WDR26: variants seen among roughly 807,000 people sequenced by gnomAD.
WDR26 encodes WD repeat domain 26.
A neutral mutation model predicts 84.1 loss-of-function variants in WDR26; 5 were observed. The observed-to-expected ratio is 0.06, with a 90% CI of 0.03 to 0.13. The LOEUF (loss-of-function observed/expected upper bound fraction) is 0.13. Ranked by LOEUF, WDR26 falls within the 10% of genes least tolerant of loss-of-function variation. WDR26 has a pLI of 1.00. For missense variants in WDR26, 642 were observed against 974.9 expected (o/e 0.66, Z 4.55); for synonymous variants, 415 against 389.6 (o/e 1.07, Z -0.77).
intron 1 of WDR26, 52 bp downstream of exon 1, chr1:224,433,632 A>C (rs201638957): frequency 1.9e-6 from 2 of 1,075,380 alleles, no homozygotes; most frequent in Non-Finnish European, 1.2e-6. Flanking sequence ...ACCCCCCTGG[A>C]GCCTCCGTCC....
intron 8 of WDR26, among the ~76,000 whole-genome samples, chr1:224,402,347 G>A (rs1055276020): frequency 1.3e-5 from 2 of 152,180 alleles, no homozygotes; most frequent in Non-Finnish European, 2.9e-5. Flanking sequence ...AAATACACAA[G>A]CAATAGCTAA....
chr1:224,401,708 A>AGAAAAAAAAAG (rs1553354188), intron 8 of WDR26, among the ~76,000 whole-genome samples: 1 of 145,152 alleles, frequency 6.9e-6, no homozygotes, highest in Non-Finnish European at 1.5e-5. Flanking sequence ...AAAAGAAAAA[A>AGAAAAAAAAAG]GAAAAAAAAA....
intron 12 of WDR26, among the ~76,000 whole-genome samples, chr1:224,396,487 C>G (rs778748290): frequency 2.6e-5 from 4 of 152,124 alleles, no homozygotes; most frequent in Non-Finnish European, 5.9e-5. Context: ...TGTCTATTAT[C>G]TCCCGCGATA....
chr1:224,404,678 G>A (rs1013193351), intron 7 of WDR26, 108 bp from the exon 8 acceptor site: 1 of 1,371,474 alleles, frequency 7.3e-7, no homozygotes, highest in East Asian at 2.4e-5. Flanking sequence ...TTTAATCTGA[G>A]GAAATTTTCA....
intron 12 of WDR26, 81 bp downstream of exon 12, chr1:224,398,016 T>C: frequency 6.5e-7 from 1 of 1,536,530 alleles, no homozygotes; most frequent in Non-Finnish European, 8.7e-7. Flanking sequence ...CTGAATTTTC[T>C]TGGAGACATG....
At chr1:224,411,984 G>GGAGT (rs1053340138) in intron 6 of WDR26, among the ~76,000 whole-genome samples, 36 of 152,026 alleles carry the variant, frequency 2.4e-4, no homozygotes, top group African/African-American at 8.4e-4. Flanking sequence ...CCTGGGTGAT[G>GGAGT]GAGTGAGATC....
At chr1:224,402,459 G>A (rs746240418) in intron 8 of WDR26, among the ~76,000 whole-genome samples, 5 of 152,134 alleles carry the variant, frequency 3.3e-5, no homozygotes, top group Non-Finnish European at 5.9e-5. Flanking sequence ...AGTACATGAG[G>A]TTATTAGATT....
intron 3 of WDR26, among the ~76,000 whole-genome samples, chr1:224,428,079 ATC>A (rs1289947113): frequency 6.6e-6 from 1 of 152,190 alleles, no homozygotes; most frequent in African/African-American, 2.4e-5. Flanking sequence ...GCCCAGCAAG[ATC>A]TCCTTCTCCA....
intron 6 of WDR26, 106 bp downstream of exon 6, chr1:224,418,154 A>C (rs998191079): frequency 9.0e-6 from 8 of 893,726 alleles, no homozygotes; most frequent in African/African-American, 6.9e-5. Context: ...CAAATGCTAA[A>C]TCAGACATGA....
In WDR26 at chr1:224,434,579, C is replaced by A. The variant is rs973949598; in HGVS notation, c.-174G>T. On this transcript the variant is annotated 5_prime_UTR_variant, in exon 1 of 14. Coordinates refer to ENST00000414423, the MANE Select transcript of WDR26 (RefSeq NM_001379403.1). ...GGAGGATCCGGGCCCTTTCCCCCCC[C>A]CCTCCCGGAGGCAGCTCGGGGTGCG... 61 of 477,288 alleles carry A rather than the reference C, an allele frequency of 1.3e-4. No individual in the cohort carries two copies. Among genetic ancestry groups the A allele is most frequent in the East Asian group, 4.7e-4 (3 of 6,358 alleles). 29.6% of individuals were successfully genotyped at this position (477,288 alleles called of 1,614,324 possible). A position where few individuals can be genotyped will look rare whatever the true frequency, so the allele number is the denominator to read the frequency against.
chr1:224,397,312 T>C (rs554488179), intron 12 of WDR26, among the ~76,000 whole-genome samples: 72 of 152,276 alleles, frequency 4.7e-4, no homozygotes, highest in African/African-American at 1.7e-3. Context: ...CTTAAATAAT[T>C]TGCTTTTATA....
At position 224,385,533 on chromosome 1, in the gene WDR26, A is replaced by G. The variant is rs923086527; in HGVS notation, c.*4302T>C. The G allele has an allele frequency of 6.5e-6, 1 of 152,696 alleles. No individual in the cohort carries two copies. The highest frequency in any genetic ancestry group is 1.5e-5 in the Non-Finnish European group (1 of 68,046). The allele number at this position is 152,696 out of a possible 1,614,324, so 9.5% of individuals were successfully genotyped here. A position where few individuals can be genotyped will look rare whatever the true frequency, so the allele number is the denominator to read the frequency against. Reference sequence around the variant, plus strand: ...TGAAACATTTAATCAGTCCATAGCAAATAGTTATTACATACCAAAAGCTCT... The same window carrying G: ...TGAAACATTTAATCAGTCCATAGCAGATAGTTATTACATACCAAAAGCTCT... On this transcript the variant is annotated 3_prime_UTR_variant, in exon 14 of 14. Coordinates refer to ENST00000414423, the MANE Select transcript of WDR26 (RefSeq NM_001379403.1).
intron 4 of WDR26, among the ~76,000 whole-genome samples, chr1:224,420,930 A>C (rs1290498409): frequency 1.3e-5 from 2 of 152,234 alleles, no homozygotes; most frequent in Non-Finnish European, 2.9e-5. Context: ...TTTGTTTCTA[A>C]AACAACTTTT....
rs1237226786 is a variant in WDR26, at chr1:224,401,150, A to C, written c.1600-81T>G. 2.9e-6 allele frequency: 4 copies of C among 1,400,642 alleles called. No homozygotes were observed. The Admixed American group carries it at 8.9e-5, about 31-fold the overall frequency. 86.8% of individuals were successfully genotyped at this position (1,400,642 alleles called of 1,614,324 possible). ...ATGTGAGAAAAAAAAAATAACTGGG[A>C]TGTCTGGCTGGTTTCCCAGTTCATT... is the stretch of plus-strand genomic sequence containing the variant. On this transcript the variant is annotated intron_variant, in intron 8 of 13. Transcript: ENST00000414423.
At chr1:224,425,087 A>C (rs1212061854) in intron 3 of WDR26, among the ~76,000 whole-genome samples, 2 of 152,214 alleles carry the variant, frequency 1.3e-5, no homozygotes, top group African/African-American at 2.4e-5. Context: ...ATTAGAGAAA[A>C]AAATAGCAAA....
chr1:224,393,048 G>A (rs1673169785), intron 13 of WDR26, among the ~76,000 whole-genome samples: 1 of 152,092 alleles, frequency 6.6e-6, no homozygotes, highest in Non-Finnish European at 1.5e-5. Context: ...CTTTGCTGTA[G>A]TACTGATATA....
At chr1:224,389,904 G>C (rs1182217725) in intron 13 of WDR26, 44 bp from the exon 14 acceptor site, 2 of 1,213,322 alleles carry the variant, frequency 1.6e-6, no homozygotes, top group Admixed American at 2.7e-5. Context: ...GGGCGGGGGA[G>C]GGAAGAGGGG....
chr1:224,416,466 T>C (rs1186442918), intron 6 of WDR26, among the ~76,000 whole-genome samples: 1 of 152,160 alleles, frequency 6.6e-6, no homozygotes, highest in Non-Finnish European at 1.5e-5. Context: ...GACCTCGTGA[T>C]CCACCCACCT....
At chr1:224,428,178 C>G (rs1237974325) in intron 3 of WDR26, among the ~76,000 whole-genome samples, 2 of 152,188 alleles carry the variant, frequency 1.3e-5, no homozygotes, top group Admixed American at 1.3e-4. Flanking sequence ...TGTTGCTCCC[C>G]TAGTCCACCC....
Sources: allele counts gnomAD v4.1 joint callset (sites outside exome capture counted in the v4.1 genomes callset), GRCh38; gene constraint gnomAD v4.1.1; transcripts MANE v1.5; gene names NCBI Gene and HGNC (gene_info 2026-07-23, HGNC 2026-07-21).